Variants in C16orf89 observed in about 807,000 individuals in gnomAD.
The protein encoded by C16orf89 is chromosome 16 open reading frame 89, also known as UPF0764 protein C16orf89.
Under a neutral mutation model 41.5 loss-of-function variants are expected in C16orf89, and 57 were observed. That is an observed-to-expected ratio of 1.38 (90% CI 1.11 to 1.71). The LOEUF (loss-of-function observed/expected upper bound fraction) is 1.71. Among genes scored for constraint, C16orf89 ranks in the 40% most tolerant of loss-of-function variants. The pLI is 0.00. For synonymous variants in C16orf89, 223 were observed against 190.6 expected (o/e 1.17, Z -1.40); for missense variants, 575 against 445.9 (o/e 1.29, Z -2.61).
intron 5 of C16orf89, chr16:5,055,648 C>T (rs1445541532): frequency 6.6e-7 from 1 of 1,509,792 alleles, no homozygotes; most frequent in East Asian, 2.5e-5. Flanking sequence ...TCCCTGTCTG[C>T]CTCATCCATA....
intron 7 of C16orf89, among the ~76,000 whole-genome samples, chr16:5,045,466 T>G (rs1956278433): frequency 6.6e-6 from 1 of 152,210 alleles, no homozygotes; most frequent in African/African-American, 2.4e-5. Flanking sequence ...ACAATCTGTC[T>G]GCTTGTGGAA....
intron 5 of C16orf89, chr16:5,055,731 G>A: frequency 6.7e-7 from 1 of 1,494,748 alleles, no homozygotes; most frequent in Non-Finnish European, 8.9e-7. Flanking sequence ...AGCCTTTGGG[G>A]GCAGGAAACT....
intron 6 of C16orf89, 32 bp from the exon 7 acceptor site, chr16:5,047,996 G>T (rs567646267): frequency 1.7e-6 from 2 of 1,148,150 alleles, no homozygotes; most frequent in East Asian, 2.4e-5. Context: ...AACTTCTCAA[G>T]AGAGATTTTT....
At chr16:5,065,090 C>T (rs781574811) in intron 1 of C16orf89, among the ~76,000 whole-genome samples, 10 of 151,502 alleles carry the variant, frequency 6.6e-5, no homozygotes, top group Admixed American at 1.3e-4. Flanking sequence ...TGCGTGCATG[C>T]GTGCTTGTGT....
intron 2 of C16orf89, 40 bp downstream of exon 2, chr16:5,062,385 C>A: frequency 1.3e-6 from 2 of 1,573,506 alleles, no homozygotes; most frequent in Admixed American, 1.8e-5. Flanking sequence ...TCCCCATAGG[C>A]GCTATTCCTG....
chr16:5,056,289 G>GGGGCTGTGTTTA (rs1223416803), intron 4 of C16orf89, 101 bp from the exon 5 acceptor site: 3 of 1,217,720 alleles, frequency 2.5e-6, no homozygotes, highest in Non-Finnish European at 3.4e-6. Context: ...GGTCTTGCAA[G>GGGGCTGTGTTTA]GGGCTGTGTT....
At chr16:5,060,515 C>A in intron 2 of C16orf89, 79 bp from the exon 3 acceptor site, 1 of 1,419,494 alleles carries the variant, frequency 7.0e-7, no homozygotes, top group Non-Finnish European at 9.6e-7. Context: ...TCCCCACCTC[C>A]TCCTGCAGCC....
chr16:5,047,076 CT>C (rs1430870448), intron 7 of C16orf89, among the ~76,000 whole-genome samples: 1 of 152,150 alleles, frequency 6.6e-6, no homozygotes, highest in Admixed American at 6.5e-5. Flanking sequence ...GATGTCTTGC[CT>C]ACTGGTTTCG....
At chr16:5,055,626 C>A (rs985368906) in intron 5 of C16orf89, 1 of 1,455,236 alleles carries the variant, frequency 6.9e-7, no homozygotes, top group Non-Finnish European at 9.3e-7. Context: ...CAGCTAGCAG[C>A]CTCCCAAGCG....
rs114278507 is a variant in C16orf89 at position 5,052,725 on chromosome 16, G to C, written c.868+2521C>G. 3.5e-3 allele frequency among the ~76,000 whole-genome samples: 528 copies of C among 152,304 alleles called. 9 individuals are homozygous for C. Among genetic ancestry groups the C allele is most frequent in the African/African-American group, 0.012 (514 of 41,552 alleles). ...ATTATGGAAAGCAGTATGGAGATTT[G>C]TCAAAAAGCTAAAAATAGGACTATC... On this transcript the variant is annotated intron_variant, in intron 6 of 7. Coordinates refer to ENST00000472572, the MANE Select transcript of C16orf89 (RefSeq NM_001098514.3).
At chr16:5,046,553 G>A (rs758157792) in intron 7 of C16orf89, among the ~76,000 whole-genome samples, 38 of 152,058 alleles carry the variant, frequency 2.5e-4, no homozygotes, top group Non-Finnish European at 5.1e-4. Flanking sequence ...GTTTCACCAT[G>A]TTGGCCAGGC....
intron 4 of C16orf89, among the ~76,000 whole-genome samples, chr16:5,056,657 C>T (rs1956513976): frequency 6.6e-6 from 1 of 152,160 alleles, no homozygotes; most frequent in African/African-American, 2.4e-5. Flanking sequence ...GGGCTGGTGA[C>T]TCCCCACACT....
intron 6 of C16orf89, among the ~76,000 whole-genome samples, chr16:5,054,111 A>G (rs1170167781): frequency 6.6e-6 from 1 of 152,312 alleles, no homozygotes. Context: ...AAAACGCACC[A>G]TCTTATTTCA....
intron 7 of C16orf89, among the ~76,000 whole-genome samples, chr16:5,046,200 A>G (rs1956293785): frequency 6.6e-6 from 1 of 152,194 alleles, no homozygotes; most frequent in Admixed American, 6.5e-5. Flanking sequence ...CTGTAGGTGG[A>G]TGATGAGGCC....
At chr16:5,058,685 T>C in intron 3 of C16orf89, 75 bp from the exon 4 acceptor site, 1 of 1,259,728 alleles carries the variant, frequency 7.9e-7, no homozygotes. Context: ...CCCCTAGTTG[T>C]AGTTGTTGGA....
rs369860307 is a variant in C16orf89 at position 5,058,653 on chromosome 16, C to A, written c.510-43G>T. ...CAAGCTGTTAAGGATGGAGCGCTGA[C>A]TCTGCCCTGCGTCTTCCCAGCCCCC... On this transcript the variant is annotated intron_variant, in intron 3 of 7. Coordinates refer to ENST00000472572, the MANE Select transcript of C16orf89 (RefSeq NM_001098514.3). The A allele has an allele frequency of 1.5e-5, 22 of 1,498,548 alleles. No individual in the cohort carries two copies. In the African/African-American group the frequency reaches 2.1e-4, roughly 14 times the overall value. 92.8% of individuals were successfully genotyped at this position (1,498,548 alleles called of 1,614,324 possible). A position where few individuals can be genotyped will look rare whatever the true frequency, so the allele number is the denominator to read the frequency against.
chr16:5,056,907 T>C (rs947480539), intron 4 of C16orf89, among the ~76,000 whole-genome samples: 1 of 152,172 alleles, frequency 6.6e-6, no homozygotes, highest in Non-Finnish European at 1.5e-5. Context: ...ATCACATTGT[T>C]TTTTGAATGA....
chr16:5,047,900 C>T lies in C16orf89; in HGVS notation c.933G>A (p.Lys311=). Residue 311 remains lysine (K), a synonymous_variant, in exon 7 of 8, where the codon AAG becomes AAA. Coordinates refer to ENST00000472572, the MANE Select transcript of C16orf89 (RefSeq NM_001098514.3). The stretch of plus-strand genomic sequence containing the variant: ...TACCTGGAAATTGTTTTTCTCGCCT[C>T]TTCACTCTCCTCGAAAAATGCTGCT... ...QYQQHFSRRV[K]RREKQFPDGC... is the part of the protein sequence containing the mutation. The T allele has an allele frequency of 6.3e-7, 1 of 1,598,120 alleles. No homozygotes were observed. The highest frequency in any genetic ancestry group is 8.6e-7 in the Non-Finnish European group (1 of 1,166,430).
intron 7 of C16orf89, among the ~76,000 whole-genome samples, chr16:5,046,672 A>T (rs1956303890): frequency 6.6e-6 from 1 of 152,072 alleles, no homozygotes; most frequent in African/African-American, 2.4e-5. Flanking sequence ...TATTAATGAA[A>T]AATTGAAATC....
Sources: allele counts gnomAD v4.1 joint callset (sites outside exome capture counted in the v4.1 genomes callset), GRCh38; gene constraint gnomAD v4.1.1; transcripts MANE v1.5; gene names NCBI Gene and HGNC (gene_info 2026-07-23, HGNC 2026-07-21).